Variants in ADAM7 observed in about 807,000 individuals in gnomAD.
The protein encoded by ADAM7 is disintegrin and metalloproteinase domain-containing protein 7.
In ADAM7, 97 loss-of-function variants were observed where a neutral mutation model predicts 102.9. That is an observed-to-expected ratio of 0.94 (90% CI 0.80 to 1.12). ADAM7 has a LOEUF of 1.12. Among genes scored for constraint, ADAM7 ranks in the 50% most tolerant of loss-of-function variants. The pLI is 0.00. For synonymous variants in ADAM7, 334 were observed against 304.4 expected (o/e 1.10, Z -1.01); for missense variants, 991 against 908.7 (o/e 1.09, Z -1.16).
At chr8:24,476,563 G>C in intron 8 of ADAM7, 59 bp downstream of exon 8, 1 of 1,387,114 alleles carries the variant, frequency 7.2e-7, no homozygotes, top group East Asian at 2.3e-5. Flanking sequence ...GAACCTTTCA[G>C]CGCAGTTCTC....
Position 24,500,200 on chromosome 8 carries a change from G to A in ADAM7, c.1946G>A (p.Cys649Tyr). 6.2e-7 allele frequency: 1 copy of A among 1,611,806 alleles called. No individual in the cohort carries two copies. Among genetic ancestry groups the A allele is most frequent in the South Asian group, 1.1e-5 (1 of 90,884 alleles). The change falls in exon 18 of 22, where the codon TGC becomes TAC. Residue 649 changes from cysteine to tyrosine, a missense_variant. Transcript: ENST00000175238. ...CAGGTGGATGGCCACGGACTCCAGT[G>A]CCACTGTGAGGAAGGACAGGCACCT... ...ENPVDGHGLQCHCEEGQAPVA... is the reference protein window; with the variant it reads ...ENPVDGHGLQYHCEEGQAPVA...
chr8:24,447,568 CAA>C (rs745389188), intron 3 of ADAM7, among the ~76,000 whole-genome samples: 6 of 152,124 alleles, frequency 3.9e-5, no homozygotes, highest in Middle Eastern at 3.4e-3. Context: ...ATCAGTGGAA[CAA>C]AAGAGATGTG....
intron 10 of ADAM7, 51 bp downstream of exon 10, chr8:24,485,412 G>C: frequency 1.3e-6 from 2 of 1,540,002 alleles, no homozygotes; most frequent in Non-Finnish European, 1.8e-6. Flanking sequence ...TAAAATTGTT[G>C]TAATGTCCTG....
chr8:24,448,399 G>C (rs1217177818), intron 3 of ADAM7, among the ~76,000 whole-genome samples: 1 of 152,086 alleles, frequency 6.6e-6, no homozygotes, highest in African/African-American at 2.4e-5. Flanking sequence ...TGGCATGTTA[G>C]TGAATTGTAC....
Position 24,487,268 on chromosome 8 carries a change from T to C in ADAM7, c.1042T>C (p.Phe348Leu). The C allele has an allele frequency of 1.2e-6, 2 of 1,613,700 alleles. No individual in the cohort carries two copies. Among genetic ancestry groups the C allele is most frequent in the Non-Finnish European group, 1.7e-6 (2 of 1,179,832 alleles). ...TAACCTTGGGATGCAGCATGACGAGTTCCCATGCACCTGTCCTTCAGGAAA... is the reference window on the plus strand; with the variant it reads ...TAACCTTGGGATGCAGCATGACGAGCTCCCATGCACCTGTCCTTCAGGAAA... ...GHNLGMQHDE[F>L]PCTCPSGKCV... The change falls in exon 11 of 22, where the codon TTC becomes CTC. Residue 348 changes from phenylalanine to leucine, a missense_variant. Physicochemically the swap from Phe to Leu is conservative, Grantham distance 22. Coordinates refer to ENST00000175238, the MANE Select transcript of ADAM7 (RefSeq NM_003817.4).
intron 21 of ADAM7, among the ~76,000 whole-genome samples, chr8:24,507,842 G>A (rs535963047): frequency 6.6e-6 from 1 of 152,046 alleles, no homozygotes; most frequent in East Asian, 1.9e-4. Context: ...ACTTTTGTTG[G>A]TCAGAGTATA....
rs1258862402 is a variant in ADAM7 at position 24,447,127 on chromosome 8, G to T, written c.157-59G>T. ...GGAACATTCACCCAAAGCACTACTT[G>T]CTCCAGAACACACTAAATGAGCCCA... On this transcript the variant is annotated intron_variant, in intron 2 of 21. Coordinates refer to ENST00000175238, the MANE Select transcript of ADAM7 (RefSeq NM_003817.4). 47 of 936,860 alleles carry T rather than the reference G, an allele frequency of 5.0e-5. No individual in the cohort carries two copies. The East Asian group carries it at 1.3e-3, about 25-fold the overall frequency. The allele number at this position is 936,860 out of a possible 1,614,324, so 58.0% of individuals were successfully genotyped here.
chr8:24,492,775 A>C (rs1820409597), intron 15 of ADAM7, among the ~76,000 whole-genome samples, 178 bp downstream of exon 15: 3 of 152,218 alleles, frequency 2.0e-5, no homozygotes, highest in Non-Finnish European at 1.5e-5. Flanking sequence ...CTAATAAAAA[A>C]ATATTCCCCT....
chr8:24,480,870 T>C (rs116113852), intron 8 of ADAM7, among the ~76,000 whole-genome samples: 2,283 of 151,922 alleles, frequency 0.015, 61 homozygotes, highest in African/African-American at 0.052. Context: ...TGAGACATCG[T>C]CCCAACAACA....
chr8:24,443,397 A>G (rs1818440034), intron 2 of ADAM7, among the ~76,000 whole-genome samples: 2 of 152,062 alleles, frequency 1.3e-5, no homozygotes, highest in East Asian at 3.9e-4. Context: ...TCTGTTTCCT[A>G]TGGCTTGAGA....
At chr8:24,477,137 T>G (rs960705647) in intron 8 of ADAM7, among the ~76,000 whole-genome samples, 20 of 152,342 alleles carry the variant, frequency 1.3e-4, no homozygotes, top group Admixed American at 3.9e-4. Flanking sequence ...TTTTGGCTAT[T>G]GTAAATACAA....
chr8:24,478,348 A>G (rs997771522), intron 8 of ADAM7, among the ~76,000 whole-genome samples: 1 of 152,180 alleles, frequency 6.6e-6, no homozygotes, highest in Non-Finnish European at 1.5e-5. Context: ...TCTTTGGGCC[A>G]GCAGGAGAAA....
rs10110356 is a variant in ADAM7 at position 24,483,667 on chromosome 8, G to C, written c.875+1356G>C. On this transcript the variant is annotated intron_variant, in intron 9 of 21. Coordinates refer to ENST00000175238, the MANE Select transcript of ADAM7 (RefSeq NM_003817.4). ...ATCGCCAGAGGCATAGTTGTGCCTG[G>C]CTTGTACTTGAATATTCATGCATTA... 5.7e-3 allele frequency among the ~76,000 whole-genome samples: 873 copies of C among 152,236 alleles called. 11 individuals carry two copies. Among genetic ancestry groups the C allele is most frequent in the African/African-American group, 0.02 (824 of 41,540 alleles).
chr8:24,480,018 C>T (rs1049180954), intron 8 of ADAM7, among the ~76,000 whole-genome samples: 2 of 152,184 alleles, frequency 1.3e-5, no homozygotes, highest in Middle Eastern at 3.4e-3. Context: ...AATTTATGTC[C>T]GTGGAAATTG....
At chr8:24,477,536 C>T (rs1414369546) in intron 8 of ADAM7, among the ~76,000 whole-genome samples, 2 of 142,322 alleles carry the variant, frequency 1.4e-5, no homozygotes, top group Middle Eastern at 3.4e-3. Flanking sequence ...AATATTTTAG[C>T]TGGTCTATGT....
chr8:24,488,742 C>A (rs953995340), intron 11 of ADAM7, among the ~76,000 whole-genome samples: 1 of 151,974 alleles, frequency 6.6e-6, no homozygotes, highest in Non-Finnish European at 1.5e-5. Flanking sequence ...TTATAGAGAA[C>A]CACTTTGTGC....
chr8:24,507,678 T>C lies in ADAM7; in HGVS notation c.2264+143T>C. ...ATTAGGAAGGTTAGAATTTTTTTTT[T>C]TTTTTGCTGATATGCTTAAAGTTCT... is the stretch of plus-strand genomic sequence containing the variant. On this transcript the variant is annotated intron_variant, in intron 21 of 21. Transcript: ENST00000175238. 4.3e-6 allele frequency: 3 copies of C among 697,296 alleles called. 1 individual carries two copies. The African/African-American group carries it at 5.3e-5, about 12-fold the overall frequency. 43.2% of individuals were successfully genotyped at this position (697,296 alleles called of 1,614,324 possible). A position where few individuals can be genotyped will look rare whatever the true frequency, so the allele number is the denominator to read the frequency against.
At chr8:24,487,086 C>T in intron 10 of ADAM7, 101 bp from the exon 11 acceptor site, 1 of 1,247,908 alleles carries the variant, frequency 8.0e-7, no homozygotes, top group Non-Finnish European at 1.1e-6. Flanking sequence ...TACCAGTTAA[C>T]TAGGAGCTAG....
At chr8:24,465,836 A>G in intron 5 of ADAM7, 61 bp downstream of exon 5, 2 of 1,345,234 alleles carry the variant, frequency 1.5e-6, no homozygotes, top group Non-Finnish European at 2.0e-6. Flanking sequence ...CAAAGAAGTT[A>G]ACTTTGTTGA....
Sources: allele counts gnomAD v4.1 joint callset (sites outside exome capture counted in the v4.1 genomes callset), GRCh38; gene constraint gnomAD v4.1.1; transcripts MANE v1.5; gene names NCBI Gene and HGNC (gene_info 2026-07-23, HGNC 2026-07-21).